Variants in LINGO1 observed in about 807,000 individuals in gnomAD.
LINGO1 encodes the protein leucine-rich repeat and immunoglobulin-like domain-containing nogo receptor-interacting protein 1.
In LINGO1, 11 loss-of-function variants were observed where a neutral mutation model predicts 37.3. That is an observed-to-expected ratio of 0.29 (90% CI 0.19 to 0.49). The LOEUF (loss-of-function observed/expected upper bound fraction) is 0.49, where lower values mean the gene tolerates loss of function less well. Among genes scored for constraint, LINGO1 ranks in the 20% least tolerant of loss-of-function variants. The probability of loss-of-function intolerance (pLI) is 0.99; values close to 1 mark genes in which losing one functional copy is unlikely to be tolerated. For missense variants in LINGO1, 585 were observed against 878.2 expected (o/e 0.67, Z 4.22); for synonymous variants, 387 against 403.0 (o/e 0.96, Z 0.48).
chr15:77,646,920 T>C (rs1006079733), intron 3 of LINGO1, among the ~76,000 whole-genome samples: 3 of 152,170 alleles, frequency 2.0e-5, no homozygotes, highest in African/African-American at 7.2e-5. Flanking sequence ...ATACTCTCAA[T>C]GGCCCTATGA....
At chr15:77,623,668 CG>C (rs2073993720) in intron 1 of LINGO1, among the ~76,000 whole-genome samples, 1 of 152,082 alleles carries the variant, frequency 6.6e-6, no homozygotes, top group African/African-American at 2.4e-5. Context: ...TGGTCCGCCC[CG>C]CCCCCACCTG....
At chr15:77,771,017 C>G (rs1596210736) in intron 1 of LINGO1, among the ~76,000 whole-genome samples, 2 of 152,210 alleles carry the variant, frequency 1.3e-5, no homozygotes, top group Admixed American at 1.3e-4. Flanking sequence ...CACAACACCT[C>G]TCCACACACC....
Position 77,716,280 on chromosome 15 carries a change from CT to C in LINGO1, c.-195+18711del, listed in dbSNP as rs5813879. On this transcript the variant is annotated intron_variant, in intron 2 of 3. Transcript: ENST00000561686. ...GGCTATTTTCTTTCTTCTTCTTCTTCTTTTTTTTTTTTTTTTTTGAGACAGG... is the reference window on the plus strand; with the variant it reads ...GGCTATTTTCTTTCTTCTTCTTCTTCTTTTTTTTTTTTTTTTTGAGACAGG... 1.4e-3 allele frequency among the ~76,000 whole-genome samples: 170 copies of C among 119,244 alleles called. 2 individuals carry two copies. Among genetic ancestry groups the C allele is most frequent in the African/African-American group, 2.3e-3 (76 of 32,636 alleles). 78.2% of individuals were successfully genotyped at this position (119,244 alleles called of 152,430 possible).
At chr15:77,772,353 T>C (rs1445886998) in intron 1 of LINGO1, among the ~76,000 whole-genome samples, 6 of 152,206 alleles carry the variant, frequency 3.9e-5, no homozygotes, top group African/African-American at 1.2e-4. Context: ...GGGCAAGTCT[T>C]TTAACTTCCC....
At chr15:77,641,896 C>A (rs1001575124) in intron 3 of LINGO1, 1 of 456,570 alleles carries the variant, frequency 2.2e-6, no homozygotes, top group African/African-American at 2.0e-5. Flanking sequence ...GAACTAGACA[C>A]TGGGGTCAGA....
At chr15:77,734,438 T>G (rs1596169282) in intron 2 of LINGO1, among the ~76,000 whole-genome samples, 1 of 151,502 alleles carries the variant, frequency 6.6e-6, no homozygotes, top group Admixed American at 6.6e-5. Flanking sequence ...GCTACTGGGG[T>G]CAGCCTTGCC....
chr15:77,780,694 G>A (rs1457404082), intron 1 of LINGO1, among the ~76,000 whole-genome samples: 2 of 152,056 alleles, frequency 1.3e-5, no homozygotes, highest in Admixed American at 1.3e-4. Flanking sequence ...AAGGTTAAAT[G>A]AGGTCACAAG....
chr15:77,713,468 G>C (rs1228061619), intron 2 of LINGO1, among the ~76,000 whole-genome samples: 2 of 151,866 alleles, frequency 1.3e-5, no homozygotes, highest in African/African-American at 4.8e-5. Context: ...AATTACAGAG[G>C]AGGACAAATT....
intron 1 of LINGO1, among the ~76,000 whole-genome samples, chr15:77,763,265 C>A (rs534177073): frequency 6.6e-6 from 1 of 152,130 alleles, no homozygotes; most frequent in Non-Finnish European, 1.5e-5. Flanking sequence ...TCAAAATTAA[C>A]CCCTCAGGCC....
At chr15:77,765,811 C>T (rs34341053) in intron 1 of LINGO1, among the ~76,000 whole-genome samples, 43,910 of 152,024 alleles carry the variant, frequency 0.29, 6,578 homozygotes, top group Middle Eastern at 0.38. Flanking sequence ...GGAGATGCTG[C>T]CATTGGGGCT....
chr15:77,632,809 A>ACCGCCG lies in LINGO1; in HGVS notation c.-500_-495dup, dbSNP rs915222799. 2.1e-5 allele frequency among the ~76,000 whole-genome samples: 3 copies of ACCGCCG among 145,542 alleles called. No homozygotes were observed. Among genetic ancestry groups the ACCGCCG allele is most frequent in the African/African-American group, 5.0e-5 (2 of 40,032 alleles). On this transcript the variant is annotated 5_prime_UTR_variant, in exon 1 of 2. Transcript: ENST00000355300. The surrounding 1 kb of genome is among the most constrained non-coding windows in gnomAD (Gnocchi z 6.0). Reference sequence around the variant, plus strand: ...CCCTCCGGGGCCGGGACCAGGACCCACCGCCGCCGCCGCCGCCTGCGCTGT... The same window carrying ACCGCCG: ...CCCTCCGGGGCCGGGACCAGGACCCACCGCCGCCGCCGCCGCCGCCGCCTGCGCTGT...
chr15:77,682,345 A>G (rs7182984), intron 2 of LINGO1, among the ~76,000 whole-genome samples: 8,128 of 149,058 alleles, frequency 0.055, 772 homozygotes, highest in African/African-American at 0.19. Context: ...CTTGGTAGAG[A>G]ATAGGCACTT....
intron 1 of LINGO1, among the ~76,000 whole-genome samples, chr15:77,781,741 C>G (rs1486449161): frequency 6.6e-6 from 1 of 152,220 alleles, no homozygotes; most frequent in African/African-American, 2.4e-5. Context: ...GTGACTTGCC[C>G]AAGGTCACAC....
chr15:77,654,831 T>C (rs142705344), intron 3 of LINGO1, among the ~76,000 whole-genome samples: 1 of 152,302 alleles, frequency 6.6e-6, no homozygotes, highest in Non-Finnish European at 1.5e-5. Context: ...AAGAACGAAA[T>C]GAGACGTAAA....
At position 77,615,796 on chromosome 15, in the gene LINGO1, G is replaced by T; in HGVS notation, c.111C>A (p.Gly37=). 1 of 1,565,048 alleles carries T rather than the reference G, an allele frequency of 6.4e-7. No homozygotes were observed. The highest frequency in any genetic ancestry group is 2.3e-5 in the East Asian group (1 of 43,616). ...AGCGGGGCGGGCAGCCCGTGGCCGA[G>T]CCTGACAGCACTGAGCCCAGCACCA... ...LLLVLGSVLS[G]SATGCPPRCE... Residue 37 remains glycine (G), a synonymous_variant, in exon 2 of 2, where the codon GGC becomes GGA. Transcript: ENST00000355300.
chr15:77,787,095 G>C (rs2076778991), upstream of LINGO1: 3 of 152,182 alleles, frequency 2.0e-5, no homozygotes, highest in Non-Finnish European at 4.4e-5. Context: ...GATCACACTG[G>C]GTGGGGGTGC....
intron 1 of LINGO1, among the ~76,000 whole-genome samples, chr15:77,811,067 AC>A (rs1172599751): frequency 2.2e-5 from 2 of 90,886 alleles, no homozygotes; most frequent in Admixed American, 1.2e-4. Context: ...AGCCCCCAAC[AC>A]CCCCCCACCC....
chr15:77,794,609 A>C (rs2076857356), intron 2 of LINGO1, among the ~76,000 whole-genome samples: 1 of 129,668 alleles, frequency 7.7e-6, no homozygotes. Context: ...TTTTTTTGAG[A>C]CGGAGTCTCG....
chr15:77,651,176 G>C (rs1335203865), intron 3 of LINGO1, among the ~76,000 whole-genome samples: 2 of 152,222 alleles, frequency 1.3e-5, no homozygotes, highest in Non-Finnish European at 2.9e-5. Flanking sequence ...AGGTAGCTGT[G>C]AGCTTGCTGT....
Sources: gnomAD v4.1 joint callset for allele counts (sites outside exome capture counted in the v4.1 genomes callset) on GRCh38, gnomAD v4.1.1 for gene constraint, Gnocchi (gnomAD v3.1) non-coding constraint, MANE v1.5 for transcripts, NCBI Gene and HGNC (gene_info 2026-07-23, HGNC 2026-07-21) for gene names.